Variants in PCDHA10 observed in about 807,000 individuals in gnomAD.
PCDHA10 encodes protocadherin alpha 10, also known as protocadherin alpha-10.
A neutral mutation model predicts 61.2 loss-of-function variants in PCDHA10; 45 were observed. The observed-to-expected ratio is 0.74, with a 90% confidence interval of 0.58 to 0.94. The LOEUF (loss-of-function observed/expected upper bound fraction) is 0.94, where lower values mean the gene tolerates loss of function less well. Among genes scored for constraint, PCDHA10 ranks in the 40% least tolerant of loss-of-function variants. The pLI is 0.00. For missense variants in PCDHA10, 1,278 were observed against 1,236.2 expected, an observed-to-expected ratio of 1.03 and a Z score of -0.51; for synonymous variants, 602 against 548.8, an observed-to-expected ratio of 1.10 and a Z score of -1.35.
At chr5:140,956,331 C>T (rs1554222358) in intron 1 of PCDHA10, among the ~76,000 whole-genome samples, 1 of 152,064 alleles carries the variant, frequency 6.6e-6, no homozygotes, top group Non-Finnish European at 1.5e-5. Flanking sequence ...TCCTTCAATA[C>T]CTAGTTTATT....
intron 1 of PCDHA10, among the ~76,000 whole-genome samples, chr5:140,942,747 A>C (rs1291200302): frequency 6.6e-6 from 1 of 152,232 alleles, no homozygotes; most frequent in African/African-American, 2.4e-5. Flanking sequence ...AAAATCTTGT[A>C]TAAATGAGAT....
Position 141,009,608 on chromosome 5 carries a change from G to T in PCDHA10, c.2537-19G>T, listed in dbSNP as rs1350951999. On this transcript the variant is annotated intron_variant, in intron 3 of 3. Coordinates refer to ENST00000307360, the MANE Select transcript of PCDHA10 (RefSeq NM_018901.4). Reference sequence around the variant, plus strand: ...CATGTGTTGACCCTGTTAATGATTTGTAATGTTTTGTCTTTCAGAACCAGA... The same window carrying T: ...CATGTGTTGACCCTGTTAATGATTTTTAATGTTTTGTCTTTCAGAACCAGA... 1 of 1,610,774 alleles carries T rather than the reference G, an allele frequency of 6.2e-7. No individual in the cohort carries two copies. The highest frequency in any genetic ancestry group is 2.2e-5 in the East Asian group (1 of 44,832).
At chr5:141,003,404 C>T (rs1220823523) in intron 3 of PCDHA10, among the ~76,000 whole-genome samples, 4 of 152,138 alleles carry the variant, frequency 2.6e-5, no homozygotes, top group African/African-American at 4.8e-5. Context: ...CTCCGCCTCC[C>T]GGGTTCGAGT....
chr5:141,006,048 G>T (rs1158028347), intron 3 of PCDHA10, among the ~76,000 whole-genome samples: 1 of 150,984 alleles, frequency 6.6e-6, no homozygotes, highest in Non-Finnish European at 1.5e-5. Context: ...TTGTAGATGA[G>T]AGTGGAGAAG....
At chr5:140,936,762 G>A (rs190223178) in intron 1 of PCDHA10, among the ~76,000 whole-genome samples, 224 of 152,210 alleles carry the variant, frequency 1.5e-3, no homozygotes, top group Non-Finnish European at 2.6e-3. Context: ...ATATCTAATT[G>A]TGTAAGTTCT....
intron 1 of PCDHA10, among the ~76,000 whole-genome samples, chr5:140,898,221 T>C (rs1238265746): frequency 6.6e-6 from 1 of 152,230 alleles, no homozygotes; most frequent in South Asian, 2.1e-4. Flanking sequence ...ATTTTGGCTT[T>C]TGTTGCCATT....
chr5:140,966,586 TG>T (rs1297938804), intron 1 of PCDHA10: 39 of 548,908 alleles, frequency 7.1e-5, no homozygotes, highest in Non-Finnish European at 1.1e-4. Flanking sequence ...GCGAGGACGG[TG>T]GGGCCAGGAG....
At chr5:140,874,647 G>T (rs2055047919) in intron 1 of PCDHA10, among the ~76,000 whole-genome samples, 1 of 152,200 alleles carries the variant, frequency 6.6e-6, no homozygotes, top group Non-Finnish European at 1.5e-5. Context: ...ACTTTTGCTA[G>T]AGTAAAACTT....
At chr5:140,983,807 G>GT (rs1418454252) in intron 3 of PCDHA10, among the ~76,000 whole-genome samples, 1 of 152,100 alleles carries the variant, frequency 6.6e-6, no homozygotes, top group East Asian at 1.9e-4. Flanking sequence ...TGTGTAAAAG[G>GT]TTTTTTCCCA....
chr5:140,881,743 A>C (rs964884426), intron 1 of PCDHA10, among the ~76,000 whole-genome samples: 4 of 152,182 alleles, frequency 2.6e-5, no homozygotes, highest in African/African-American at 9.7e-5. Flanking sequence ...CAGGAAGAGG[A>C]CAGTACCACA....
intron 1 of PCDHA10, among the ~76,000 whole-genome samples, chr5:140,902,684 A>G (rs1173996816): frequency 6.6e-6 from 1 of 152,100 alleles, no homozygotes; most frequent in Non-Finnish European, 1.5e-5. Flanking sequence ...ACCGTACCTA[A>G]TATGTGTAGT....
At chr5:140,891,963 A>C (rs1202145353) in intron 1 of PCDHA10, among the ~76,000 whole-genome samples, 1 of 152,214 alleles carries the variant, frequency 6.6e-6, no homozygotes, top group African/African-American at 2.4e-5. Flanking sequence ...TGTGAGAAGT[A>C]AATTTCCGTT....
intron 1 of PCDHA10, among the ~76,000 whole-genome samples, chr5:140,950,237 A>G (rs1192417956): frequency 6.6e-6 from 1 of 151,954 alleles, no homozygotes; most frequent in African/African-American, 2.4e-5. Flanking sequence ...AGTGCCATTA[A>G]TTTGTTCCTA....
In PCDHA10 at chr5:140,967,411, A is replaced by T. The variant is rs142102675; in HGVS notation, c.2389-11538A>T. The T allele has an allele frequency of 4.6e-5, 74 of 1,613,220 alleles. No individual in the cohort carries two copies. The African/African-American group carries it at 9.5e-4, about 21-fold the overall frequency. On this transcript the variant is annotated intron_variant, in intron 1 of 3. Coordinates refer to ENST00000307360, the MANE Select transcript of PCDHA10 (RefSeq NM_018901.4). The stretch of plus-strand genomic sequence containing the variant: ...TTGAGCTGGTGCTGCGTAAGGGCCT[A>T]GACCGGGAGCAGGCAGCCTTGCACC...
intron 3 of PCDHA10, among the ~76,000 whole-genome samples, chr5:140,987,258 G>A (rs1292743876): frequency 6.6e-6 from 1 of 151,918 alleles, no homozygotes; most frequent in Non-Finnish European, 1.5e-5. Context: ...ACATTCTCAG[G>A]AATGGGACCC....
At chr5:140,890,356 T>C (rs139351817) in intron 1 of PCDHA10, among the ~76,000 whole-genome samples, 50 of 152,308 alleles carry the variant, frequency 3.3e-4, no homozygotes, top group African/African-American at 1.2e-3. Context: ...TATATAGCAA[T>C]GGATAACCTG....
At position 140,884,619 on chromosome 5, in the gene PCDHA10, A is replaced by C; in HGVS notation, c.2388+26183A>C. ...CTTCCTCCTTGTCTGGGTTCTGCAGAGGGAACAGGCCAGAGGGAGGAGGAC... is the reference window on the plus strand; with the variant it reads ...CTTCCTCCTTGTCTGGGTTCTGCAGCGGGAACAGGCCAGAGGGAGGAGGAC... On this transcript the variant is annotated intron_variant, in intron 1 of 3. Coordinates refer to ENST00000307360, the MANE Select transcript of PCDHA10 (RefSeq NM_018901.4). 3.7e-6 allele frequency: 6 copies of C among 1,614,074 alleles called. No homozygotes were observed. The highest frequency in any genetic ancestry group is 5.1e-6 in the Non-Finnish European group (6 of 1,179,956).
chr5:140,861,578 C>A (rs1425852721), intron 1 of PCDHA10: 2 of 361,296 alleles, frequency 5.5e-6, no homozygotes, highest in Non-Finnish European at 1.1e-5. Flanking sequence ...TACAGGTTTT[C>A]CATGTGGAGG....
chr5:140,916,957 T>C (rs1478651535), intron 1 of PCDHA10, among the ~76,000 whole-genome samples: 1 of 152,224 alleles, frequency 6.6e-6, no homozygotes, highest in African/African-American at 2.4e-5. Context: ...TGCTGAGTTC[T>C]GACTGCTGGG....
Sources: allele counts gnomAD v4.1 joint callset (sites outside exome capture counted in the v4.1 genomes callset), GRCh38; gene constraint gnomAD v4.1.1; transcripts MANE v1.5; gene names NCBI Gene and HGNC (gene_info 2026-07-23, HGNC 2026-07-21).